Variants in COL21A1 observed in about 807,000 individuals in gnomAD.
COL21A1 encodes collagen type XXI alpha 1 chain.
COL21A1 carries 149 observed loss-of-function variants against 137.9 expected under a neutral mutation model. The ratio of observed to expected loss-of-function variants is 1.08; its 90% CI spans 0.95 to 1.24. The LOEUF (loss-of-function observed/expected upper bound fraction) is 1.24. Among genes scored for constraint, COL21A1 ranks in the 50% most tolerant of loss-of-function variants. The pLI is 0.00. For synonymous variants in COL21A1, 456 were observed against 391.5 expected, an observed-to-expected ratio of 1.16 and a Z score of -1.95; for missense variants, 1,167 against 1,158.4, an observed-to-expected ratio of 1.01 and a Z score of -0.11.
chr6:56,201,765 T>G (rs1582629244), intron 1 of COL21A1, among the ~76,000 whole-genome samples: 2 of 152,288 alleles, frequency 1.3e-5, no homozygotes, highest in East Asian at 3.9e-4. Flanking sequence ...TAGAAGCTAT[T>G]GTCATAATTA....
intron 1 of COL21A1, among the ~76,000 whole-genome samples, chr6:56,318,540 A>G (rs1404234609): frequency 6.6e-6 from 1 of 152,140 alleles, no homozygotes; most frequent in Non-Finnish European, 1.5e-5. Context: ...ATAAGCCATC[A>G]GGAGAAAACT....
chr6:56,299,884 G>C (rs1562045433), intron 1 of COL21A1, among the ~76,000 whole-genome samples: 1 of 152,020 alleles, frequency 6.6e-6, no homozygotes, highest in Non-Finnish European at 1.5e-5. Flanking sequence ...TTCCCCTGCG[G>C]TTAAGAGCTC....
intron 1 of COL21A1, among the ~76,000 whole-genome samples, chr6:56,330,260 C>G (rs976860174): frequency 6.6e-6 from 1 of 151,284 alleles, no homozygotes; most frequent in Non-Finnish European, 1.5e-5. Flanking sequence ...TGGTATAAAC[C>G]AAATTAACTG....
intron 16 of COL21A1, among the ~76,000 whole-genome samples, chr6:56,105,477 C>T (rs1359767129): frequency 1.3e-5 from 2 of 152,028 alleles, no homozygotes; most frequent in African/African-American, 4.8e-5. Flanking sequence ...ATAATTTTGG[C>T]AAAATGAGTA....
At chr6:56,379,700 G>C (rs1225226424) in intron 1 of COL21A1, among the ~76,000 whole-genome samples, 1 of 152,104 alleles carries the variant, frequency 6.6e-6, no homozygotes. Flanking sequence ...GTGGTCATGG[G>C]AAAGAGCATA....
In COL21A1 at chr6:56,346,884, CT is replaced by C. The variant is rs1765609000; in HGVS notation, c.-39+47086del. 2.6e-5 allele frequency among the ~76,000 whole-genome samples: 4 copies of C among 152,140 alleles called. No homozygotes were observed. The South Asian group carries it at 8.3e-4, about 32-fold the overall frequency. On this transcript the variant is annotated intron_variant, in intron 1 of 28. Coordinates refer to the COL21A1 transcript ENST00000370819. ...GTGCTGGTCTCCAGTGGGTGAGCCTCTATCCTCTGCGAGGATCTTGTCCCTC... is the reference window on the plus strand; with the variant it reads ...GTGCTGGTCTCCAGTGGGTGAGCCTCATCCTCTGCGAGGATCTTGTCCCTC...
chr6:56,184,843 A>G (rs1271045382), intron 1 of COL21A1, among the ~76,000 whole-genome samples: 2 of 152,212 alleles, frequency 1.3e-5, no homozygotes, highest in African/African-American at 4.8e-5. Flanking sequence ...GTTTCAATAA[A>G]TAGTATTTTT....
intron 25 of COL21A1, 81 bp downstream of exon 25, chr6:56,061,568 C>G (rs956320817): frequency 8.7e-6 from 7 of 805,396 alleles, no homozygotes; most frequent in Non-Finnish European, 1.1e-5. Context: ...TACTCAAAAG[C>G]TAGATTTATA....
intron 17 of COL21A1, among the ~76,000 whole-genome samples, chr6:56,094,704 T>A (rs1489153757): frequency 2.0e-5 from 3 of 152,180 alleles, no homozygotes; most frequent in African/African-American, 7.2e-5. Flanking sequence ...GGCAGAGATT[T>A]GTTGCAAAGT....
intron 12 of COL21A1, among the ~76,000 whole-genome samples, chr6:56,128,218 T>A (rs2152216975): frequency 6.6e-6 from 1 of 152,306 alleles, no homozygotes; most frequent in African/African-American, 2.4e-5. Flanking sequence ...GTTCTTCAGG[T>A]TCTGAAGACT....
At chr6:56,282,993 G>A (rs149809345) in intron 1 of COL21A1, among the ~76,000 whole-genome samples, 1 of 152,198 alleles carries the variant, frequency 6.6e-6, no homozygotes, top group Admixed American at 6.5e-5. Flanking sequence ...CATATTTAAA[G>A]AAACATTGAA....
chr6:56,117,789 A>C (rs9475564), intron 16 of COL21A1, among the ~76,000 whole-genome samples: 83,490 of 151,688 alleles, frequency 0.55, 23,311 homozygotes, highest in East Asian at 0.79. Context: ...TATTTTGGAA[A>C]CTATACAAAC....
At chr6:56,227,492 A>T (rs752560758) in intron 1 of COL21A1, among the ~76,000 whole-genome samples, 2 of 152,056 alleles carry the variant, frequency 1.3e-5, no homozygotes, top group Non-Finnish European at 2.9e-5. Flanking sequence ...ATAAATTTTT[A>T]TCAGTTATTA....
chr6:56,115,891 A>T (rs1306484701), intron 16 of COL21A1, among the ~76,000 whole-genome samples: 1 of 152,078 alleles, frequency 6.6e-6, no homozygotes, highest in Non-Finnish European at 1.5e-5. Context: ...CATACTGAAC[A>T]ATGTATCAGA....
At chr6:56,081,780 T>C (rs956226876) in intron 17 of COL21A1, among the ~76,000 whole-genome samples, 2 of 151,912 alleles carry the variant, frequency 1.3e-5, no homozygotes, top group Non-Finnish European at 2.9e-5. Flanking sequence ...TGGATGAACT[T>C]ATTCACCCTG....
At position 56,287,369 on chromosome 6, in the gene COL21A1, A is replaced by T. The variant is rs12212697; in HGVS notation, c.-38-104713T>A. Among the ~76,000 whole-genome samples the T allele has an allele frequency of 8.9e-3, 1,350 of 152,282 alleles. 8 individuals are homozygous for T. The highest frequency in any genetic ancestry group is 9.3e-3 in the Non-Finnish European group (635 of 68,018). ...TGATATGTTTGGCTCTGTGTCCCCAACCAAATCTCATGTTGAATTGTAATC... is the reference window on the plus strand; with the variant it reads ...TGATATGTTTGGCTCTGTGTCCCCATCCAAATCTCATGTTGAATTGTAATC... On this transcript the variant is annotated intron_variant, in intron 1 of 28. Transcript: ENST00000370819.
At chr6:56,124,522 T>C (rs12210901) in intron 14 of COL21A1, among the ~76,000 whole-genome samples, 22,872 of 152,190 alleles carry the variant, frequency 0.15, 1,756 homozygotes, top group Middle Eastern at 0.22. Context: ...CATCTAAACA[T>C]AGAAATAACA....
intron 16 of COL21A1, among the ~76,000 whole-genome samples, chr6:56,116,419 A>G (rs1771936240): frequency 7.0e-6 from 1 of 142,400 alleles, no homozygotes; most frequent in Admixed American, 7.1e-5. Context: ...AAAAAAAAAA[A>G]AAAAACTTTA....
Position 56,076,957 on chromosome 6 carries a change from T to C in COL21A1, c.1857+572A>G, listed in dbSNP as rs140043497. ...GAATTTGAAGAACACTAAAAACAAA[T>C]AAAATACCTTAAAAGGTTCCAAAAG... is the stretch of plus-strand genomic sequence containing the variant. On this transcript the variant is annotated intron_variant, in intron 18 of 29. Transcript: ENST00000244728. 3.6e-3 allele frequency among the ~76,000 whole-genome samples: 545 copies of C among 151,272 alleles called. 2 individuals are homozygous for C. Among genetic ancestry groups the C allele is most frequent in the African/African-American group, 0.013 (521 of 41,368 alleles).
Sources: allele counts gnomAD v4.1 joint callset (sites outside exome capture counted in the v4.1 genomes callset), GRCh38; gene constraint gnomAD v4.1.1; transcripts MANE v1.5; gene names NCBI Gene and HGNC (gene_info 2026-07-23, HGNC 2026-07-21).